Variants in ZNF827 observed in about 807,000 individuals in gnomAD.
ZNF827 encodes zinc finger protein 827.
In ZNF827, 13 loss-of-function variants were observed where a neutral mutation model predicts 102.4. The observed-to-expected ratio is 0.13, with a 90% CI of 0.08 to 0.20. The LOEUF (loss-of-function observed/expected upper bound fraction) is 0.20, where lower values mean the gene tolerates loss of function less well. Among genes scored for constraint, ZNF827 ranks in the 10% least tolerant of loss-of-function variants. The pLI is 1.00. For missense variants in ZNF827, 1,103 were observed against 1,344.4 expected (o/e 0.82, Z 2.81); for synonymous variants, 523 against 536.2 (o/e 0.98, Z 0.34).
At chr4:145,833,712 C>T (rs555443334) in intron 7 of ZNF827, among the ~76,000 whole-genome samples, 98 of 151,990 alleles carry the variant, frequency 6.4e-4, no homozygotes, top group Non-Finnish European at 1.0e-3. Context: ...GCCCCAATCC[C>T]TTATTTCCGT....
intron 8 of ZNF827, among the ~76,000 whole-genome samples, chr4:145,822,980 G>A (rs1429133675): frequency 6.6e-6 from 1 of 152,220 alleles, no homozygotes; most frequent in Non-Finnish European, 1.5e-5. Context: ...TCAGTGAGCT[G>A]TCTCGTTTCC....
chr4:145,841,009 G>A (rs1745363386), intron 7 of ZNF827, among the ~76,000 whole-genome samples: 2 of 152,176 alleles, frequency 1.3e-5, no homozygotes, highest in Admixed American at 1.3e-4. Flanking sequence ...TCTGCTTTTT[G>A]TCTAGTAATG....
chr4:145,828,707 G>A (rs1277811567), intron 7 of ZNF827, among the ~76,000 whole-genome samples: 1 of 152,102 alleles, frequency 6.6e-6, no homozygotes, highest in Admixed American at 6.5e-5. Flanking sequence ...TTTTTCTCCT[G>A]TAGAAAATCT....
intron 7 of ZNF827, 36 bp downstream of exon 7, chr4:145,845,920 G>T (rs370700863): frequency 6.2e-7 from 1 of 1,611,880 alleles, no homozygotes; most frequent in Non-Finnish European, 8.5e-7. Flanking sequence ...TGGCCCACAC[G>T]GGGTGTTCTG....
At chr4:145,837,761 C>G (rs1456455021) in intron 7 of ZNF827, among the ~76,000 whole-genome samples, 5 of 152,132 alleles carry the variant, frequency 3.3e-5, no homozygotes, top group Admixed American at 6.5e-5. Context: ...TGTTTTTCTC[C>G]TTCTGTTATT....
Position 145,765,101 on chromosome 4 carries a change from C to G in ZNF827, c.3117G>C (p.Gln1039His). The change falls in exon 13 of 15, where the codon CAG (glutamine) becomes CAC (histidine). Residue 1039 changes from glutamine to histidine, a missense_variant. Gln to His is a conservative substitution (Grantham distance 24). This residue lies in a region of ZNF827 where 242 missense variants were observed against 361.9 expected (regional missense o/e 0.67). Coordinates refer to ENST00000508784, the MANE Select transcript of ZNF827 (RefSeq NM_001306215.2). This position sits in a 1 kb window ranked among gnomAD's most constrained non-coding sequence, Gnocchi z 4.7. ...KTKNMFERHL[Q>H]IHLITRMFEC... ...CAAACATCCGGGTGATGAGGTGTAT[C>G]TGCAGATGACGCTCAAACATGTTCT... 1.9e-6 allele frequency: 3 copies of G among 1,614,160 alleles called. No homozygotes were observed. The highest frequency in any genetic ancestry group is 2.5e-6 in the Non-Finnish European group (3 of 1,180,032).
At chr4:145,835,420 A>G (rs1744714278) in intron 7 of ZNF827, 1 of 151,174 alleles carries the variant, frequency 6.6e-6, no homozygotes, top group South Asian at 2.1e-4. Flanking sequence ...TAAACCTCTT[A>G]AAACTCCCCA....
At position 145,921,725 on chromosome 4, in the gene ZNF827, C is replaced by T. The variant is rs551073800; in HGVS notation, c.43+16640G>A. ...TTCATGGACAATGAGGACAGCAACC[C>T]AGAAAAAGAAGACACGAAGACCAGA... On this transcript the variant is annotated intron_variant, in intron 1 of 14. Coordinates refer to ENST00000508784, the MANE Select transcript of ZNF827 (RefSeq NM_001306215.2). Among the ~76,000 whole-genome samples, 358 of 152,146 alleles carry T rather than the reference C, an allele frequency of 2.4e-3. 1 individual carries two copies. Among genetic ancestry groups the T allele is most frequent in the Non-Finnish European group, 4.5e-3 (307 of 67,996 alleles).
At chr4:145,855,238 T>C (rs886727811) in intron 5 of ZNF827, among the ~76,000 whole-genome samples, 1 of 152,222 alleles carries the variant, frequency 6.6e-6, no homozygotes, top group Non-Finnish European at 1.5e-5. Context: ...AACAAGAAGC[T>C]TAAAAGAGCC....
chr4:145,800,617 T>C (rs536209144), intron 8 of ZNF827, among the ~76,000 whole-genome samples: 1 of 152,178 alleles, frequency 6.6e-6, no homozygotes, highest in South Asian at 2.1e-4. Flanking sequence ...ATGCCCTTTA[T>C]GTACACATCT....
intron 8 of ZNF827, among the ~76,000 whole-genome samples, chr4:145,805,490 A>T (rs1311962023): frequency 6.6e-6 from 1 of 152,240 alleles, no homozygotes; most frequent in Non-Finnish European, 1.5e-5. Context: ...TTAAAGGAAC[A>T]TGCACAGATT....
rs767106459 is a variant in ZNF827 at position 145,870,391 on chromosome 4, C to T, written c.1835G>A (p.Arg612Gln). Residue 612 changes from arginine (R) to glutamine (Q), a missense_variant, in exon 5 of 15, where the codon CGG (arginine) becomes CAG (glutamine). By Grantham distance (43) the Arg-to-Gln change is conservative (BLOSUM62 1). Coordinates refer to ENST00000508784, the MANE Select transcript of ZNF827 (RefSeq NM_001306215.2). ...TTCCGGGCTGAACACATAGCTGGAC[C>T]GAGGCAAAGTCGTGCTTAGGGACTC... The part of the protein sequence containing the change: ...EGESLSTTLP[R>Q]SSYVFSPESE... 16 of 1,614,026 alleles carry T rather than the reference C, an allele frequency of 9.9e-6. No homozygotes were observed. The highest frequency in any genetic ancestry group is 2.2e-5 in the East Asian group (1 of 44,878).
intron 8 of ZNF827, 87 bp downstream of exon 8, chr4:145,823,335 G>C: frequency 8.9e-7 from 1 of 1,129,712 alleles, no homozygotes; most frequent in Non-Finnish European, 1.3e-6. Context: ...ACATCCGTAA[G>C]CTGAAAGTAT....
intron 7 of ZNF827, chr4:145,831,347 CAAAG>C (rs1464297026): frequency 6.6e-6 from 1 of 152,194 alleles, no homozygotes; most frequent in African/African-American, 2.4e-5. Flanking sequence ...CACACATTTT[CAAAG>C]AAAGAGGGGC....
rs1439113458 is a variant in ZNF827, at chr4:145,761,304, G to A, written c.*312C>T. ...GGGCGTGCTTCAGCTTCTTGTGCAGGTTGAGATTGTCCTTGCGCTTGCAGC... is the reference window on the plus strand; with the variant it reads ...GGGCGTGCTTCAGCTTCTTGTGCAGATTGAGATTGTCCTTGCGCTTGCAGC... On this transcript the variant is annotated 3_prime_UTR_variant, in exon 15 of 15. Coordinates refer to ENST00000508784, the MANE Select transcript of ZNF827 (RefSeq NM_001306215.2). This position sits in a 1 kb window ranked among gnomAD's most constrained non-coding sequence, Gnocchi z 6.8. The A allele has an allele frequency of 2.3e-6, 3 of 1,289,946 alleles. No individual in the cohort carries two copies. The highest frequency in any genetic ancestry group is 3.0e-6 in the Non-Finnish European group (3 of 988,902). 79.9% of individuals were successfully genotyped at this position (1,289,946 alleles called of 1,614,324 possible). A position where few individuals can be genotyped will look rare whatever the true frequency, so the allele number is the denominator to read the frequency against.
At chr4:145,823,173 T>C (rs577685493) in intron 8 of ZNF827, among the ~76,000 whole-genome samples, 40 of 152,320 alleles carry the variant, frequency 2.6e-4, no homozygotes, top group African/African-American at 9.4e-4. Flanking sequence ...AGAAATTCAT[T>C]ATGTGGGTGA....
intron 1 of ZNF827, among the ~76,000 whole-genome samples, chr4:145,908,319 A>T (rs1752030981): frequency 6.6e-6 from 1 of 152,166 alleles, no homozygotes; most frequent in Non-Finnish European, 1.5e-5. Flanking sequence ...TGAGAACAGG[A>T]CTTGAATTCT....
chr4:145,858,180 T>C (rs1199929914), intron 5 of ZNF827, among the ~76,000 whole-genome samples: 1 of 151,162 alleles, frequency 6.6e-6, no homozygotes, highest in East Asian at 2.0e-4. Context: ...TGTGCACATG[T>C]GGCTTCTAAA....
intron 5 of ZNF827, among the ~76,000 whole-genome samples, chr4:145,860,534 T>C (rs2126712438): frequency 6.6e-6 from 1 of 152,294 alleles, no homozygotes; most frequent in Non-Finnish European, 1.5e-5. Flanking sequence ...AGATAAAATG[T>C]GATGGGTCGC....
Sources: gnomAD v4.1 joint callset for allele counts (sites outside exome capture counted in the v4.1 genomes callset) on GRCh38, gnomAD v4.1.1 for gene constraint, gnomAD v4.1.1 regional missense constraint, Gnocchi (gnomAD v3.1) non-coding constraint, MANE v1.5 for transcripts, NCBI Gene and HGNC (gene_info 2026-07-23, HGNC 2026-07-21) for gene names.